NELL1: variants seen among roughly 807,000 people sequenced by gnomAD.
NELL1 encodes protein kinase C-binding protein NELL1.
Under a neutral mutation model 107.4 loss-of-function variants are expected in NELL1, and 76 were observed. That is an observed-to-expected ratio of 0.71 (90% confidence interval 0.59 to 0.86). The LOEUF (loss-of-function observed/expected upper bound fraction) is 0.86, where lower values mean the gene tolerates loss of function less well. NELL1 is among the 40% of genes least tolerant of loss of function. The pLI is 0.00. For missense variants in NELL1, 1,024 were observed against 1,005.5 expected, an observed-to-expected ratio of 1.02 and a Z score of -0.25; for synonymous variants, 353 against 341.2, an observed-to-expected ratio of 1.03 and a Z score of -0.38.
At chr11:21,402,929 G>A (rs751705421) in intron 15 of NELL1, among the ~76,000 whole-genome samples, 1 of 151,656 alleles carries the variant, frequency 6.6e-6, no homozygotes. Flanking sequence ...AAAGGTGAGA[G>A]CAGCTAAGAG....
At chr11:21,490,995 C>G (rs1854792523) in intron 15 of NELL1, among the ~76,000 whole-genome samples, 1 of 152,062 alleles carries the variant, frequency 6.6e-6, no homozygotes, top group African/African-American at 2.4e-5. Flanking sequence ...AAGAAACAAT[C>G]AACAGAGTGA....
chr11:21,289,693 A>G (rs1329162360), intron 14 of NELL1, among the ~76,000 whole-genome samples: 1 of 152,208 alleles, frequency 6.6e-6, no homozygotes, highest in Non-Finnish European at 1.5e-5. Context: ...GGCTGAAGCC[A>G]GGGAGCCAGG....
chr11:21,370,763 A>G, intron 14 of NELL1, 90 bp from the exon 15 acceptor site: 2 of 966,544 alleles, frequency 2.1e-6, no homozygotes, highest in South Asian at 1.4e-5. Context: ...CTATGCAACA[A>G]AGAAAGAATT....
At chr11:20,749,643 G>T (rs540710246) in intron 2 of NELL1, among the ~76,000 whole-genome samples, 1 of 151,942 alleles carries the variant, frequency 6.6e-6, no homozygotes, top group African/African-American at 2.4e-5. Context: ...GGTGTAATTA[G>T]CATACAATAA....
chr11:20,875,673 G>A (rs1335863182), intron 4 of NELL1, among the ~76,000 whole-genome samples: 1 of 152,196 alleles, frequency 6.6e-6, no homozygotes, highest in East Asian at 1.9e-4. Flanking sequence ...AGTCTTATAT[G>A]ATCTGGTTAT....
chr11:21,023,099 T>C lies in NELL1; in HGVS notation c.1300+62539T>C, dbSNP rs966283121. Reference sequence around the variant, plus strand: ...CAAAGCTTAATAGGGTATTTCAAATTTATAGGGAAATTTGAAAAGCAAAAC... The same window carrying C: ...CAAAGCTTAATAGGGTATTTCAAATCTATAGGGAAATTTGAAAAGCAAAAC... On this transcript the variant is annotated intron_variant, in intron 12 of 19. Coordinates refer to ENST00000357134, the MANE Select transcript of NELL1 (RefSeq NM_006157.5). 4.6e-5 allele frequency among the ~76,000 whole-genome samples: 7 copies of C among 152,108 alleles called. No individual in the cohort carries two copies. The East Asian group carries it at 1.4e-3, about 29-fold the overall frequency.
At chr11:21,415,462 T>A (rs886768985) in intron 15 of NELL1, among the ~76,000 whole-genome samples, 7 of 152,122 alleles carry the variant, frequency 4.6e-5, no homozygotes, top group Non-Finnish European at 7.4e-5. Context: ...ATTGACAACT[T>A]TCTCTTCTTG....
chr11:20,864,819 A>G (rs1266151774), intron 4 of NELL1, among the ~76,000 whole-genome samples: 3 of 152,114 alleles, frequency 2.0e-5, no homozygotes, highest in African/African-American at 4.8e-5. Flanking sequence ...TAGTTCACCA[A>G]TCCCTAGATT....
At chr11:20,946,198 A>G (rs559641467) in intron 10 of NELL1, among the ~76,000 whole-genome samples, 25 of 152,306 alleles carry the variant, frequency 1.6e-4, no homozygotes, top group African/African-American at 5.8e-4. Context: ...CGGAAAACTC[A>G]GTCTCTCCTG....
At chr11:20,829,870 A>G (rs1261762050) in intron 3 of NELL1, among the ~76,000 whole-genome samples, 1 of 152,026 alleles carries the variant, frequency 6.6e-6, no homozygotes, top group Non-Finnish European at 1.5e-5. Context: ...TTATATTGAT[A>G]TATCTTATTA....
intron 12 of NELL1, among the ~76,000 whole-genome samples, chr11:21,103,599 C>T (rs1229101917): frequency 1.3e-5 from 2 of 152,040 alleles, no homozygotes; most frequent in Admixed American, 1.3e-4. Flanking sequence ...ATAAATGGTA[C>T]CTATTATTAT....
intron 14 of NELL1, among the ~76,000 whole-genome samples, chr11:21,304,299 CT>C (rs1849560727): frequency 6.6e-6 from 1 of 151,920 alleles, no homozygotes; most frequent in Non-Finnish European, 1.5e-5. Context: ...CTGTAGATGC[CT>C]TTGTATATGT....
chr11:20,890,323 A>G (rs1178234503), intron 5 of NELL1, among the ~76,000 whole-genome samples: 1 of 152,166 alleles, frequency 6.6e-6, no homozygotes, highest in Non-Finnish European at 1.5e-5. Flanking sequence ...ATCATCAATG[A>G]CAACAAAAGG....
chr11:20,918,501 G>C (rs1277463293), intron 6 of NELL1, among the ~76,000 whole-genome samples: 1 of 151,952 alleles, frequency 6.6e-6, no homozygotes, highest in African/African-American at 2.4e-5. Flanking sequence ...ATTTATAAAG[G>C]AAAGAGGTTT....
chr11:20,757,615 G>C (rs1856326274), intron 2 of NELL1, among the ~76,000 whole-genome samples: 2 of 152,008 alleles, frequency 1.3e-5, no homozygotes, highest in Non-Finnish European at 2.9e-5. Context: ...TAAAAATTTA[G>C]GTTATGTGAA....
chr11:20,756,474 G>A (rs1357195737), intron 2 of NELL1, among the ~76,000 whole-genome samples: 2 of 151,218 alleles, frequency 1.3e-5, no homozygotes, highest in Non-Finnish European at 2.9e-5. Context: ...GAGTAGCTGG[G>A]ACTTATAGGC....
chr11:21,153,355 C>T (rs1168132769), intron 13 of NELL1, among the ~76,000 whole-genome samples: 2 of 152,024 alleles, frequency 1.3e-5, no homozygotes, highest in African/African-American at 2.4e-5. Context: ...TGTGAGATGA[C>T]ATCAGTGTGG....
intron 13 of NELL1, among the ~76,000 whole-genome samples, chr11:21,114,259 T>G (rs985309941): frequency 9.9e-5 from 15 of 151,902 alleles, no homozygotes; most frequent in African/African-American, 3.4e-4. Context: ...TCTGTTGGAG[T>G]AGCGCTGGTT....
intron 2 of NELL1, among the ~76,000 whole-genome samples, chr11:20,740,230 C>T (rs1356245410): frequency 6.6e-6 from 1 of 152,138 alleles, no homozygotes; most frequent in African/African-American, 2.4e-5. Flanking sequence ...CAGAACTGGT[C>T]CTGGCTACCT....
Sources: allele counts gnomAD v4.1 joint callset (sites outside exome capture counted in the v4.1 genomes callset), GRCh38; gene constraint gnomAD v4.1.1; transcripts MANE v1.5; gene names NCBI Gene and HGNC (gene_info 2026-07-23, HGNC 2026-07-21).